The following PRKCE variants were observed in gnomAD, a reference collection of about 807,000 sequenced individuals.
PRKCE encodes protein kinase C epsilon.
PRKCE carries 16 observed loss-of-function variants against 85.4 expected under a neutral mutation model. The observed-to-expected ratio is 0.19, with a 90% confidence interval of 0.13 to 0.28. PRKCE has a LOEUF of 0.28. Ranked by LOEUF, PRKCE falls within the 10% of genes least tolerant of loss-of-function variation. The pLI is 1.00. For missense variants in PRKCE, 573 were observed against 975.2 expected, an observed-to-expected ratio of 0.59 and a Z score of 5.49; for synonymous variants, 388 against 371.5, an observed-to-expected ratio of 1.04 and a Z score of -0.51.
At chr2:46,007,007 G>A (rs759384185) in intron 8 of PRKCE, among the ~76,000 whole-genome samples, 1 of 152,214 alleles carries the variant, frequency 6.6e-6, no homozygotes, top group Non-Finnish European at 1.5e-5. Context: ...TGATGGCTCA[G>A]TTGTTGAAAT....
chr2:45,774,859 T>C lies in PRKCE; in HGVS notation c.349-68141T>C. Among the ~76,000 whole-genome samples the C allele has an allele frequency of 6.6e-6, 1 of 152,082 alleles. No homozygotes were observed. The highest frequency in any genetic ancestry group is 1.5e-5 in the Non-Finnish European group (1 of 67,996). On this transcript the variant is annotated intron_variant, in intron 1 of 14. Transcript: ENST00000306156. This position sits in a 1 kb window ranked among gnomAD's most constrained non-coding sequence, Gnocchi z 4.3. Reference sequence around the variant, plus strand: ...TGCTCCTCCCATTCCTGAGTTCGTCTCCAAGTCCAGGGTATCACTGTGACC... The same window carrying C: ...TGCTCCTCCCATTCCTGAGTTCGTCCCCAAGTCCAGGGTATCACTGTGACC...
intron 2 of PRKCE, among the ~76,000 whole-genome samples, chr2:45,898,959 C>T (rs1056367709): frequency 6.6e-6 from 1 of 152,218 alleles, no homozygotes; most frequent in African/African-American, 2.4e-5. Flanking sequence ...CCCCAATCTT[C>T]TTAGCTAGGC....
intron 2 of PRKCE, among the ~76,000 whole-genome samples, chr2:45,953,279 G>T (rs973765615): frequency 2.0e-5 from 3 of 152,192 alleles, no homozygotes; most frequent in Non-Finnish European, 2.9e-5. Context: ...TCTTGGGGAA[G>T]ATGAGGCCAA....
chr2:45,745,806 G>A (rs1683090026), intron 1 of PRKCE, among the ~76,000 whole-genome samples: 1 of 152,032 alleles, frequency 6.6e-6, no homozygotes, highest in Non-Finnish European at 1.5e-5. Flanking sequence ...GACAATATCA[G>A]CGTTCCAGTT....
At chr2:46,023,235 C>T (rs1007799606) in intron 10 of PRKCE, among the ~76,000 whole-genome samples, 50 of 152,156 alleles carry the variant, frequency 3.3e-4, no homozygotes, top group African/African-American at 1.1e-3. Context: ...CTACCTGAGT[C>T]TACCATTGTT....
chr2:46,176,405 T>G (rs1679439130), intron 14 of PRKCE, among the ~76,000 whole-genome samples: 1 of 151,928 alleles, frequency 6.6e-6, no homozygotes, highest in African/African-American at 2.4e-5. Context: ...CTTGGTAAAT[T>G]GGAAATGATG....
chr2:46,036,984 G>A (rs1707903601), intron 10 of PRKCE, among the ~76,000 whole-genome samples: 1 of 152,162 alleles, frequency 6.6e-6, no homozygotes, highest in South Asian at 2.1e-4. Flanking sequence ...GGTAGATGCT[G>A]ACTCTCAGAA....
intron 10 of PRKCE, among the ~76,000 whole-genome samples, chr2:46,050,587 G>A (rs1344160908): frequency 6.6e-6 from 1 of 152,176 alleles, no homozygotes; most frequent in African/African-American, 2.4e-5. Context: ...CTTGTGGGGT[G>A]GGAAGGAAGA....
At chr2:46,036,345 G>C (rs1707857536) in intron 10 of PRKCE, among the ~76,000 whole-genome samples, 1 of 152,216 alleles carries the variant, frequency 6.6e-6, no homozygotes, top group African/African-American at 2.4e-5. Flanking sequence ...GGGAGGCTGA[G>C]GCAGGAGGAT....
chr2:46,051,298 G>T (rs576474946), intron 10 of PRKCE, among the ~76,000 whole-genome samples: 1 of 152,296 alleles, frequency 6.6e-6, no homozygotes, highest in Admixed American at 6.5e-5. Flanking sequence ...GTTTCTGGTG[G>T]CAAGAAGCTG....
intron 1 of PRKCE, among the ~76,000 whole-genome samples, chr2:45,672,660 G>A (rs1421098815): frequency 6.6e-6 from 1 of 152,166 alleles, no homozygotes; most frequent in Non-Finnish European, 1.5e-5. Flanking sequence ...CCTGAAACTT[G>A]TCTATTTGGT....
intron 10 of PRKCE, among the ~76,000 whole-genome samples, chr2:46,011,761 C>A (rs970891805): frequency 6.6e-6 from 1 of 152,134 alleles, no homozygotes; most frequent in East Asian, 1.9e-4. Context: ...GGTCCCCCAT[C>A]TCTCTCTTAC....
At chr2:46,162,650 T>C (rs746630740) in intron 14 of PRKCE, among the ~76,000 whole-genome samples, 1 of 152,184 alleles carries the variant, frequency 6.6e-6, no homozygotes, top group Non-Finnish European at 1.5e-5. Flanking sequence ...AAAGCTGACG[T>C]TGTGTAAGAG....
Position 46,185,628 on chromosome 2 carries a change from TC to T in PRKCE, c.*749del, listed in dbSNP as rs1680395498. 6.6e-6 allele frequency: 1 copy of T among 152,660 alleles called. No homozygotes were observed. Among genetic ancestry groups the T allele is most frequent in the Non-Finnish European group, 1.5e-5 (1 of 68,054 alleles). 9.5% of individuals were successfully genotyped at this position (152,660 alleles called of 1,614,324 possible). On this transcript the variant is annotated 3_prime_UTR_variant, in exon 15 of 15. Coordinates refer to ENST00000306156, the MANE Select transcript of PRKCE (RefSeq NM_005400.3). The surrounding 1 kb of genome is among the most constrained non-coding windows in gnomAD (Gnocchi z 4.7). Reference sequence around the variant, plus strand: ...TTCTAATTGGCCAAAAGAGATGAGTTCCAGTCTGAATACAGGTAGATATTAA... The same window carrying T: ...TTCTAATTGGCCAAAAGAGATGAGTTCAGTCTGAATACAGGTAGATATTAA...
At chr2:45,917,912 C>T (rs887532434) in intron 2 of PRKCE, among the ~76,000 whole-genome samples, 1 of 152,026 alleles carries the variant, frequency 6.6e-6, no homozygotes, top group African/African-American at 2.4e-5. Flanking sequence ...GCCGCTGGCC[C>T]GGTGCTAAGC....
intron 2 of PRKCE, among the ~76,000 whole-genome samples, chr2:45,893,343 C>G (rs1469920003): frequency 4.5e-5 from 4 of 88,150 alleles, no homozygotes. Flanking sequence ...CATGTCTTTT[C>G]TTTTCTTTTC....
chr2:45,737,815 C>T (rs17034088), intron 1 of PRKCE, among the ~76,000 whole-genome samples: 23,796 of 152,080 alleles, frequency 0.16, 3,489 homozygotes, highest in African/African-American at 0.39. Flanking sequence ...TGCTGACTTG[C>T]GTACATTGCC....
Position 46,187,054 on chromosome 2 carries a change from G to A in PRKCE, c.*2173G>A, listed in dbSNP as rs965861882. The A allele has an allele frequency of 3.9e-5, 6 of 152,506 alleles. No individual in the cohort carries two copies. The highest frequency in any genetic ancestry group is 9.7e-5 in the African/African-American group (4 of 41,388). The allele number at this position is 152,506 out of a possible 1,614,324, so 9.4% of individuals were successfully genotyped here. ...AGTACAAGCACAGAAACATCTTTACGGTGGCATCATCTCATTTTTTAGGAA... is the reference window on the plus strand; with the variant it reads ...AGTACAAGCACAGAAACATCTTTACAGTGGCATCATCTCATTTTTTAGGAA... On this transcript the variant is annotated 3_prime_UTR_variant, in exon 15 of 15. Coordinates refer to ENST00000306156, the MANE Select transcript of PRKCE (RefSeq NM_005400.3).
chr2:45,877,983 C>T (rs1038210653), intron 2 of PRKCE, among the ~76,000 whole-genome samples: 6 of 152,248 alleles, frequency 3.9e-5, no homozygotes, highest in African/African-American at 1.4e-4. Flanking sequence ...CCTTGCCCTT[C>T]CTCAGTTCCT....
Sources: allele counts gnomAD v4.1 joint callset (sites outside exome capture counted in the v4.1 genomes callset), GRCh38; gene constraint gnomAD v4.1.1; non-coding constraint Gnocchi (gnomAD v3.1); transcripts MANE v1.5; gene names NCBI Gene and HGNC (gene_info 2026-07-23, HGNC 2026-07-21).